CCDC63: variants seen among roughly 807,000 people sequenced by gnomAD.
CCDC63 encodes coiled-coil domain containing 63, also known as coiled-coil domain-containing protein 63.
CCDC63 carries 54 observed loss-of-function variants against 63.6 expected under a neutral mutation model. The ratio of observed to expected loss-of-function variants is 0.85; its 90% CI spans 0.68 to 1.07. The LOEUF (loss-of-function observed/expected upper bound fraction) is 1.07. Ranked by LOEUF, CCDC63 falls within the 50% of genes least tolerant of loss-of-function variation. The probability of loss-of-function intolerance (pLI) is 0.00; values close to 1 mark genes in which losing one functional copy is unlikely to be tolerated. For synonymous variants in CCDC63, 253 were observed against 266.1 expected, an observed-to-expected ratio of 0.95 and a Z score of 0.48; for missense variants, 637 against 689.6, an observed-to-expected ratio of 0.92 and a Z score of 0.86.
chr12:110,849,534 T>G lies in CCDC63; in HGVS notation c.-97+2429T>G, dbSNP rs373289681. Among the ~76,000 whole-genome samples the G allele has an allele frequency of 1.8e-4, 26 of 147,772 alleles. No homozygotes were observed. The East Asian group carries it at 2.4e-3, about 14-fold the overall frequency. ...TTTTTTTTGAGATGGAGTCTTACTC[T>G]GTTGCCCAGGCTAGAGTGCAGTGGT... On this transcript the variant is annotated intron_variant, in intron 1 of 11. Transcript: ENST00000308208.
chr12:110,895,676 C>T (rs1033421940), intron 9 of CCDC63, among the ~76,000 whole-genome samples: 20 of 152,136 alleles, frequency 1.3e-4, no homozygotes, highest in African/African-American at 4.6e-4. Context: ...GCCTCAGTTT[C>T]CACATCTGTA....
chr12:110,863,897 C>A (rs2070899582), intron 4 of CCDC63, among the ~76,000 whole-genome samples: 1 of 152,232 alleles, frequency 6.6e-6, no homozygotes, highest in African/African-American at 2.4e-5. Context: ...CTCTGACCTT[C>A]TTTACTGGTC....
intron 4 of CCDC63, among the ~76,000 whole-genome samples, chr12:110,863,507 C>T (rs1269236311): frequency 1.3e-5 from 2 of 150,630 alleles, no homozygotes; most frequent in Non-Finnish European, 3.0e-5. Flanking sequence ...TATCACATAA[C>T]AAAATATCTG....
chr12:110,893,565 G>C (rs1012076849), intron 9 of CCDC63, among the ~76,000 whole-genome samples: 2 of 152,164 alleles, frequency 1.3e-5, no homozygotes, highest in Admixed American at 6.5e-5. Context: ...TAATTACCAT[G>C]TACGAGGCGC....
At position 110,853,550 on chromosome 12, in the gene CCDC63, A is replaced by C; in HGVS notation, c.155A>C (p.Asn52Thr). 4 of 1,614,190 alleles carry C rather than the reference A, an allele frequency of 2.5e-6. No homozygotes were observed. Among genetic ancestry groups the C allele is most frequent in the Non-Finnish European group, 3.4e-6 (4 of 1,180,040 alleles). ...AGCCGGAAGTCTTTTAAGTTCCGAA[A>C]CCAGCAGAAGATTGCGAGTCAGTAG... is the stretch of plus-strand genomic sequence containing the variant. ...VESRKSFKFR[N>T]QQKIASQYKE... Residue 52 changes from asparagine to threonine, a missense_variant, in exon 3 of 12, where the codon AAC becomes ACC. Physicochemically the swap from Asn to Thr is moderately conservative, Grantham distance 65. Transcript: ENST00000308208.
At chr12:110,863,893 CCTT>C (rs1430923558) in intron 4 of CCDC63, among the ~76,000 whole-genome samples, 1 of 152,206 alleles carries the variant, frequency 6.6e-6, no homozygotes, top group African/African-American at 2.4e-5. Context: ...TTCTCTCTGA[CCTT>C]CTTTACTGGT....
upstream of CCDC63, among the ~76,000 whole-genome samples, chr12:110,846,178 G>A (rs1039955395): frequency 3.9e-5 from 6 of 152,228 alleles, no homozygotes; most frequent in African/African-American, 1.4e-4. Context: ...TAGCAGGGCT[G>A]AGCTACTACA....
At chr12:110,874,039 C>A in intron 5 of CCDC63, 78 bp downstream of exon 5, 1 of 1,529,158 alleles carries the variant, frequency 6.5e-7, no homozygotes. Context: ...TCTGCCCAGC[C>A]ATTAGCAGAA....
Position 110,852,913 on chromosome 12 carries a change from G to A in CCDC63, c.-42G>A. 1 of 1,614,118 alleles carries A rather than the reference G, an allele frequency of 6.2e-7. No homozygotes were observed. Among genetic ancestry groups the A allele is most frequent in the Non-Finnish European group, 8.5e-7 (1 of 1,180,012 alleles). On this transcript the variant is annotated 5_prime_UTR_variant, in exon 2 of 12. Transcript: ENST00000308208. The stretch of plus-strand genomic sequence containing the variant: ...AAGGCTCACTGGCTTTGAGCTCTCT[G>A]GGTACAGTGTCTGAGTGGAGGCAAA...
intron 1 of CCDC63, among the ~76,000 whole-genome samples, chr12:110,851,094 G>A (rs2070699638): frequency 6.6e-6 from 1 of 152,144 alleles, no homozygotes; most frequent in Non-Finnish European, 1.5e-5. Context: ...CATACAGTGG[G>A]GGCTCAGTTT....
intron 7 of CCDC63, among the ~76,000 whole-genome samples, chr12:110,883,599 T>C (rs1258006534): frequency 2.1e-5 from 3 of 144,784 alleles, no homozygotes; most frequent in African/African-American, 5.2e-5. Flanking sequence ...TACTACTATA[T>C]ATATATTTTT....
In CCDC63 at chr12:110,879,732, G is replaced by A. The variant is rs1350855637; in HGVS notation, c.490-174G>A. On this transcript the variant is annotated intron_variant, in intron 5 of 11. Transcript: ENST00000308208. Reference sequence around the variant, plus strand: ...ACTAAAGGGCCCTTAGCCAGTTGGTGGGCCACTCAACTGGCTCCAACCAGT... The same window carrying A: ...ACTAAAGGGCCCTTAGCCAGTTGGTAGGCCACTCAACTGGCTCCAACCAGT... 2.6e-5 allele frequency among the ~76,000 whole-genome samples: 4 copies of A among 152,136 alleles called. No individual in the cohort carries two copies. The South Asian group carries it at 6.2e-4, about 24-fold the overall frequency.
At chr12:110,858,807 A>T (rs1304359636) in intron 4 of CCDC63, 32 bp downstream of exon 4, 1 of 1,592,228 alleles carries the variant, frequency 6.3e-7, no homozygotes, top group South Asian at 1.1e-5. Context: ...GTTAACCAGA[A>T]CACAGAGCAA....
At chr12:110,849,688 G>A (rs549818475) in intron 1 of CCDC63, among the ~76,000 whole-genome samples, 11 of 151,982 alleles carry the variant, frequency 7.2e-5, no homozygotes, top group South Asian at 2.1e-4. Context: ...TAGTAGAGAC[G>A]GGGTTTCACA....
intron 1 of CCDC63, among the ~76,000 whole-genome samples, chr12:110,847,869 T>C (rs2070659756): frequency 6.6e-6 from 1 of 152,194 alleles, no homozygotes; most frequent in Non-Finnish European, 1.5e-5. Context: ...CAGGCCTAAT[T>C]AGATATTAGA....
intron 7 of CCDC63, 27 bp downstream of exon 7, chr12:110,881,323 C>T (rs979697850): frequency 6.3e-7 from 1 of 1,594,642 alleles, no homozygotes; most frequent in Non-Finnish European, 8.5e-7. Flanking sequence ...CAAGCTTGTG[C>T]TCTCTCACTC....
At chr12:110,885,545 C>T (rs2071268720) in intron 8 of CCDC63, among the ~76,000 whole-genome samples, 1 of 152,228 alleles carries the variant, frequency 6.6e-6, no homozygotes, top group African/African-American at 2.4e-5. Context: ...CCTGTTATGA[C>T]CTCCAAGACA....
intron 10 of CCDC63, among the ~76,000 whole-genome samples, chr12:110,900,807 C>T (rs2071476611): frequency 6.6e-6 from 1 of 152,070 alleles, no homozygotes; most frequent in South Asian, 2.1e-4. Context: ...ACCATGTTGG[C>T]CAGGATGGTC....
At chr12:110,875,896 A>T (rs180784871) in intron 5 of CCDC63, among the ~76,000 whole-genome samples, 4 of 152,270 alleles carry the variant, frequency 2.6e-5, no homozygotes, top group African/African-American at 9.6e-5. Context: ...GTTTGAGGTC[A>T]GCCTGGCCAC....
Sources: gnomAD v4.1 joint callset for allele counts (sites outside exome capture counted in the v4.1 genomes callset) on GRCh38, gnomAD v4.1.1 for gene constraint, MANE v1.5 for transcripts, NCBI Gene and HGNC (gene_info 2026-07-23, HGNC 2026-07-21) for gene names.